PDE4D: variants seen among roughly 807,000 people sequenced by gnomAD.
PDE4D encodes the protein phosphodiesterase 4D.
A neutral mutation model predicts 87.4 loss-of-function variants in PDE4D; 24 were observed. The ratio of observed to expected loss-of-function variants is 0.27; its 90% CI spans 0.20 to 0.39. The LOEUF (loss-of-function observed/expected upper bound fraction) is 0.39. Among genes scored for constraint, PDE4D ranks in the 10% least tolerant of loss-of-function variants. The probability of loss-of-function intolerance (pLI) is 1.00; values close to 1 mark genes in which losing one functional copy is unlikely to be tolerated. For synonymous variants in PDE4D, 384 were observed against 383.2 expected, an observed-to-expected ratio of 1.00 and a Z score of -0.02; for missense variants, 714 against 1,041.0, an observed-to-expected ratio of 0.69 and a Z score of 4.32.
intron 2 of PDE4D, among the ~76,000 whole-genome samples, chr5:60,096,492 A>G (rs1775693429): frequency 6.6e-6 from 1 of 152,150 alleles, no homozygotes; most frequent in Admixed American, 6.6e-5. Context: ...AAGAGAAAGC[A>G]AAACTTCAAA....
At chr5:60,082,711 G>A (rs1444643645) in intron 2 of PDE4D, among the ~76,000 whole-genome samples, 1 of 152,130 alleles carries the variant, frequency 6.6e-6, no homozygotes, top group East Asian at 1.9e-4. Flanking sequence ...TTTGTGTCTG[G>A]AATGAGGTGG....
In PDE4D at chr5:59,586,503, C is replaced by T. The variant is rs72769729; in HGVS notation, c.455+306665G>A. 0.1 allele frequency: 119,768 copies of T among 1,158,572 alleles called. 3,735 individuals are homozygous for T. The highest frequency in any genetic ancestry group is 0.25 in the Admixed American group (4,240 of 17,068). 71.8% of individuals were successfully genotyped at this position (1,158,572 alleles called of 1,614,324 possible). A position where few individuals can be genotyped will look rare whatever the true frequency, so the allele number is the denominator to read the frequency against. The stretch of plus-strand genomic sequence containing the variant: ...GCAATTATTGCAACAAGTATTGAAT[C>T]CCAAAAAAAAAAAAAAAATCTCCCC... On this transcript the variant is annotated intron_variant, in intron 1 of 14. Transcript: ENST00000340635.
chr5:59,780,541 A>G (rs1410931703), intron 1 of PDE4D, among the ~76,000 whole-genome samples: 1 of 152,180 alleles, frequency 6.6e-6, no homozygotes, highest in Non-Finnish European at 1.5e-5. Context: ...ATATGTTTTA[A>G]ATTGCTTTTC....
chr5:59,036,528 C>A (rs950241565), intron 6 of PDE4D, among the ~76,000 whole-genome samples: 9 of 152,164 alleles, frequency 5.9e-5, no homozygotes, highest in Non-Finnish European at 1.2e-4. Context: ...CTCACAGGGG[C>A]CTTCCGATCA....
intron 1 of PDE4D, among the ~76,000 whole-genome samples, chr5:59,834,677 AGC>A (rs1741736059): frequency 6.6e-6 from 1 of 152,048 alleles, no homozygotes; most frequent in African/African-American, 2.4e-5. Context: ...GTGTTGACTG[AGC>A]ATTGTTCCCC....
At chr5:60,079,775 G>T (rs2152902700) in intron 2 of PDE4D, among the ~76,000 whole-genome samples, 1 of 152,294 alleles carries the variant, frequency 6.6e-6, no homozygotes, top group South Asian at 2.1e-4. Flanking sequence ...TTTGGTTACT[G>T]TAGCCTTGCA....
At chr5:59,707,038 C>G (rs1753516000) in intron 1 of PDE4D, among the ~76,000 whole-genome samples, 1 of 152,182 alleles carries the variant, frequency 6.6e-6, no homozygotes, top group Non-Finnish European at 1.5e-5. Flanking sequence ...AAACTTAATG[C>G]ATGAAGTAAC....
chr5:59,574,115 T>A (rs368308801), intron 1 of PDE4D, among the ~76,000 whole-genome samples: 5 of 3,786 alleles, frequency 1.3e-3, no homozygotes, highest in Admixed American at 6.1e-3. Context: ...TATATATATA[T>A]ATAAATATAT....
chr5:60,123,542 A>C (rs1166196497), intron 2 of PDE4D, among the ~76,000 whole-genome samples: 3 of 151,970 alleles, frequency 2.0e-5, no homozygotes, highest in African/African-American at 7.2e-5. Context: ...AGTTTACCCC[A>C]TGATTCAAAT....
chr5:59,633,262 T>A (rs914184876), intron 1 of PDE4D, among the ~76,000 whole-genome samples: 1 of 152,142 alleles, frequency 6.6e-6, no homozygotes, highest in African/African-American at 2.4e-5. Flanking sequence ...CTACATGTGA[T>A]TAGTGTACCT....
chr5:59,020,390 T>C (rs1754906047), intron 6 of PDE4D, among the ~76,000 whole-genome samples: 1 of 151,788 alleles, frequency 6.6e-6, no homozygotes, highest in Non-Finnish European at 1.5e-5. Context: ...GGAGAATCAC[T>C]TGAATCCAGG....
chr5:60,268,181 G>A (rs1338767255), intron 1 of PDE4D, among the ~76,000 whole-genome samples: 1 of 152,134 alleles, frequency 6.6e-6, no homozygotes, highest in Non-Finnish European at 1.5e-5. Flanking sequence ...ACTGCCAGAT[G>A]ATGGAAGAAA....
chr5:59,906,189 G>A (rs1358646727), intron 3 of PDE4D, among the ~76,000 whole-genome samples: 1 of 152,006 alleles, frequency 6.6e-6, no homozygotes, highest in Non-Finnish European at 1.5e-5. Flanking sequence ...GAAAACACTG[G>A]AACTCAATTT....
chr5:60,397,396 C>G (rs1762956742), intron 1 of PDE4D, among the ~76,000 whole-genome samples: 1 of 152,148 alleles, frequency 6.6e-6, no homozygotes, highest in African/African-American at 2.4e-5. Context: ...ACCTAAGTTT[C>G]CATCAATGGA....
chr5:59,555,645 A>C (rs1229495694), intron 1 of PDE4D, among the ~76,000 whole-genome samples: 2 of 152,092 alleles, frequency 1.3e-5, no homozygotes, highest in Non-Finnish European at 2.9e-5. Flanking sequence ...CCGATCTCCA[A>C]CTTGTTGGAA....
chr5:59,283,505 G>A (rs1236521434), intron 1 of PDE4D, among the ~76,000 whole-genome samples: 1 of 151,954 alleles, frequency 6.6e-6, no homozygotes, highest in Non-Finnish European at 1.5e-5. Context: ...CCTTTTTTGT[G>A]TGTTAAATAA....
intron 1 of PDE4D, among the ~76,000 whole-genome samples, chr5:60,272,197 A>G (rs1478215911): frequency 6.6e-6 from 1 of 152,228 alleles, no homozygotes; most frequent in Non-Finnish European, 1.5e-5. Context: ...GCAGATTGCT[A>G]AAGAGGATGA....
At chr5:59,022,609 A>C (rs140761189) in intron 6 of PDE4D, among the ~76,000 whole-genome samples, 1 of 152,266 alleles carries the variant, frequency 6.6e-6, no homozygotes, top group Non-Finnish European at 1.5e-5. Context: ...TTTACAGCTC[A>C]GATTCTCAGA....
At chr5:60,492,342 G>T (rs1749578584), upstream of PDE4D, among the ~76,000 whole-genome samples, 2 of 152,162 alleles carry the variant, frequency 1.3e-5, no homozygotes, top group South Asian at 2.1e-4. Context: ...GGAGGCCAAG[G>T]TGGGAGGATC....
Sources: allele counts gnomAD v4.1 joint callset (sites outside exome capture counted in the v4.1 genomes callset), GRCh38; gene constraint gnomAD v4.1.1; transcripts MANE v1.5; gene names NCBI Gene and HGNC (gene_info 2026-07-23, HGNC 2026-07-21).